The following FSHR variants were observed in gnomAD, a reference collection of about 807,000 sequenced individuals.
FSHR encodes the protein follicle stimulating hormone receptor, also known as follicle-stimulating hormone receptor.
FSHR carries 46 observed loss-of-function variants against 52.1 expected under a neutral mutation model. That is an observed-to-expected ratio of 0.88 (90% CI 0.70 to 1.13). FSHR has a LOEUF of 1.13. Among genes scored for constraint, FSHR ranks in the 50% most tolerant of loss-of-function variants. The probability of loss-of-function intolerance (pLI) is 0.00; values close to 1 mark genes in which losing one functional copy is unlikely to be tolerated. For synonymous variants in FSHR, 399 were observed against 309.6 expected (o/e 1.29, Z -3.03); for missense variants, 964 against 834.6 (o/e 1.16, Z -1.91).
At chr2:49,019,075 A>C (rs1305039419) in intron 3 of FSHR, among the ~76,000 whole-genome samples, 1 of 152,176 alleles carries the variant, frequency 6.6e-6, no homozygotes, top group African/African-American at 2.4e-5. Flanking sequence ...GCTTTCTTAA[A>C]TGTGTTCCAT....
At chr2:48,991,722 A>G (rs1438133405) in intron 4 of FSHR, among the ~76,000 whole-genome samples, 1 of 152,212 alleles carries the variant, frequency 6.6e-6, no homozygotes, top group Non-Finnish European at 1.5e-5. Context: ...TTAGAGGCAC[A>G]TACGAATTAT....
At position 49,154,499 on chromosome 2, in the gene FSHR, C is replaced by T. The variant is rs1673175780; in HGVS notation, c.-82G>A. ...GATCTCAGAAGCTCCACACAGTGCC[C>T]TTATGAGAAGAGATCTGACTTGAGA... On this transcript the variant is annotated 5_prime_UTR_variant, in exon 1 of 10. Coordinates refer to ENST00000406846, the MANE Select transcript of FSHR (RefSeq NM_000145.4). 12 of 1,450,026 alleles carry T rather than the reference C, an allele frequency of 8.3e-6. No individual in the cohort carries two copies. The South Asian group carries it at 1.3e-4, about 15-fold the overall frequency. 89.8% of individuals were successfully genotyped at this position (1,450,026 alleles called of 1,614,324 possible). A position where few individuals can be genotyped will look rare whatever the true frequency, so the allele number is the denominator to read the frequency against.
chr2:48,998,809 T>C (rs769179596), intron 4 of FSHR, among the ~76,000 whole-genome samples: 7 of 152,004 alleles, frequency 4.6e-5, no homozygotes, highest in Non-Finnish European at 8.8e-5. Flanking sequence ...TCTCAAAATA[T>C]TGTTATTATA....
intron 1 of FSHR, among the ~76,000 whole-genome samples, chr2:49,085,676 G>A (rs1338622130): frequency 2.0e-5 from 3 of 152,082 alleles, no homozygotes; most frequent in Admixed American, 2.0e-4. Context: ...TATGTTTATT[G>A]GGGCACTATT....
intron 4 of FSHR, among the ~76,000 whole-genome samples, chr2:48,998,817 A>T (rs1676136724): frequency 6.6e-6 from 1 of 151,702 alleles, no homozygotes; most frequent in African/African-American, 2.4e-5. Context: ...TATTGTTATT[A>T]TATTTAGTGA....
chr2:49,089,127 G>A (rs985687173), intron 1 of FSHR, among the ~76,000 whole-genome samples: 3 of 120,962 alleles, frequency 2.5e-5, no homozygotes, highest in Admixed American at 2.4e-4. Flanking sequence ...ATTTATATGA[G>A]TTTGAGGAAT....
intron 9 of FSHR, among the ~76,000 whole-genome samples, chr2:48,965,913 G>T (rs997035317): frequency 2.0e-5 from 3 of 152,218 alleles, no homozygotes; most frequent in African/African-American, 7.2e-5. Flanking sequence ...ATCATAAGGA[G>T]TTGGGAATTC....
In FSHR at chr2:49,124,054, G is replaced by T. The variant is rs921663953; in HGVS notation, c.152+30212C>A. On this transcript the variant is annotated intron_variant, in intron 1 of 9. Coordinates refer to ENST00000406846, the MANE Select transcript of FSHR (RefSeq NM_000145.4). ...GGCTGGAGTGCAGTGGCATGATCTC[G>T]GCTCACTGCATCCTCCACCTCCTGC... 2.6e-5 allele frequency among the ~76,000 whole-genome samples: 4 copies of T among 151,178 alleles called. No homozygotes were observed. The East Asian group carries it at 7.7e-4, about 29-fold the overall frequency.
chr2:49,045,020 T>A (rs1668604821), intron 2 of FSHR, among the ~76,000 whole-genome samples: 1 of 152,218 alleles, frequency 6.6e-6, no homozygotes, highest in African/African-American at 2.4e-5. Context: ...AGTGACTAAT[T>A]GTACTAAAAA....
intron 1 of FSHR, among the ~76,000 whole-genome samples, chr2:49,086,960 CAT>C (rs1315569549): frequency 1.3e-5 from 2 of 151,336 alleles, no homozygotes; most frequent in South Asian, 2.1e-4. Flanking sequence ...AAAAGATACT[CAT>C]GTGATTTTCA....
chr2:49,154,497 C>G lies in FSHR; in HGVS notation c.-80G>C. ...CAGATCTCAGAAGCTCCACACAGTG[C>G]CCTTATGAGAAGAGATCTGACTTGA... On this transcript the variant is annotated 5_prime_UTR_variant, in exon 1 of 10. Transcript: ENST00000406846. 6.9e-7 allele frequency: 1 copy of G among 1,458,304 alleles called. No individual in the cohort carries two copies. The highest frequency in any genetic ancestry group is 9.6e-7 in the Non-Finnish European group (1 of 1,043,718). 90.3% of individuals were successfully genotyped at this position (1,458,304 alleles called of 1,614,324 possible). A position where few individuals can be genotyped will look rare whatever the true frequency, so the allele number is the denominator to read the frequency against.
chr2:49,113,465 T>C (rs893311107), intron 1 of FSHR, among the ~76,000 whole-genome samples: 1 of 152,204 alleles, frequency 6.6e-6, no homozygotes, highest in African/African-American at 2.4e-5. Context: ...CCTTATGTTC[T>C]AGGAAGCTGT....
intron 8 of FSHR, among the ~76,000 whole-genome samples, chr2:48,972,205 C>T (rs562617542): frequency 6.6e-6 from 1 of 152,306 alleles, no homozygotes; most frequent in South Asian, 2.1e-4. Flanking sequence ...TACCTGGACT[C>T]CTCTCTTTCT....
At chr2:48,986,426 AT>A (rs1475393359) in intron 6 of FSHR, among the ~76,000 whole-genome samples, 1 of 146,276 alleles carries the variant, frequency 6.8e-6, no homozygotes, top group East Asian at 2.0e-4. Context: ...GTGTGCTCAA[AT>A]GTCCCCATGG....
chr2:49,125,997 A>G (rs1298519287), intron 1 of FSHR, among the ~76,000 whole-genome samples: 2 of 152,214 alleles, frequency 1.3e-5, no homozygotes, highest in African/African-American at 4.8e-5. Context: ...CTGCCGCTTA[A>G]TCATAACAAG....
At chr2:49,124,685 A>T (rs576222306) in intron 1 of FSHR, among the ~76,000 whole-genome samples, 31 of 152,086 alleles carry the variant, frequency 2.0e-4, no homozygotes, top group Non-Finnish European at 4.1e-4. Context: ...ACCCCTTCTC[A>T]TCACCTTCTC....
intron 1 of FSHR, among the ~76,000 whole-genome samples, chr2:49,108,438 C>T (rs1351624093): frequency 6.6e-6 from 1 of 152,088 alleles, no homozygotes; most frequent in Non-Finnish European, 1.5e-5. Context: ...TTTATTTGCC[C>T]TCTGTCTCTA....
At chr2:49,051,669 CT>C (rs1480924584) in intron 2 of FSHR, among the ~76,000 whole-genome samples, 4 of 151,650 alleles carry the variant, frequency 2.6e-5, no homozygotes, top group African/African-American at 9.7e-5. Flanking sequence ...TCTTTTTTTA[CT>C]TTTTTTATTG....
intron 2 of FSHR, among the ~76,000 whole-genome samples, chr2:49,040,218 G>A (rs947041412): frequency 9.2e-5 from 14 of 152,194 alleles, no homozygotes; most frequent in African/African-American, 3.4e-4. Context: ...TTAGAAAAAG[G>A]CCTTATAAAG....
Sources: gnomAD v4.1 joint callset for allele counts (sites outside exome capture counted in the v4.1 genomes callset) on GRCh38, gnomAD v4.1.1 for gene constraint, MANE v1.5 for transcripts, NCBI Gene and HGNC (gene_info 2026-07-23, HGNC 2026-07-21) for gene names.